CSMD1: variants seen among roughly 807,000 people sequenced by gnomAD.
CSMD1 encodes CUB and Sushi multiple domains 1, also known as CUB and sushi domain-containing protein 1.
Under a neutral mutation model 417.5 loss-of-function variants are expected in CSMD1, and 213 were observed. The observed-to-expected ratio is 0.51, with a 90% CI of 0.46 to 0.57. The LOEUF is 0.57. CSMD1 is among the 20% of genes least tolerant of loss of function. The pLI is 0.00. For synonymous variants in CSMD1, 2,862 were observed against 1,736.8 expected (o/e 1.65, Z -16.11); for missense variants, 6,923 against 4,529.7 (o/e 1.53, Z -15.17).
chr8:4,264,712 C>G (rs536247636), intron 3 of CSMD1, among the ~76,000 whole-genome samples: 2 of 152,158 alleles, frequency 1.3e-5, no homozygotes, highest in Non-Finnish European at 2.9e-5. Context: ...AAAACAAACA[C>G]TGATTAACTG....
chr8:4,918,476 G>A (rs1214293850), intron 1 of CSMD1, among the ~76,000 whole-genome samples: 1 of 151,750 alleles, frequency 6.6e-6, no homozygotes, highest in Non-Finnish European at 1.5e-5. Flanking sequence ...CTAACTTTCT[G>A]CACAATGTGT....
At chr8:3,785,867 G>T (rs1010855554) in intron 5 of CSMD1, among the ~76,000 whole-genome samples, 5 of 152,210 alleles carry the variant, frequency 3.3e-5, no homozygotes, top group Non-Finnish European at 7.3e-5. Context: ...CAATTAAAGA[G>T]GGATATGTCA....
intron 25 of CSMD1, among the ~76,000 whole-genome samples, chr8:3,302,692 G>C (rs1804511709): frequency 1.3e-5 from 2 of 152,286 alleles, no homozygotes; most frequent in East Asian, 1.9e-4. Flanking sequence ...GAGGAGATGT[G>C]ATCTGTCACC....
chr8:3,119,704 C>T (rs1225939955), intron 41 of CSMD1, among the ~76,000 whole-genome samples: 1 of 152,194 alleles, frequency 6.6e-6, no homozygotes, highest in African/African-American at 2.4e-5. Context: ...TCTCTAGCAT[C>T]TTTGAATATT....
chr8:4,124,033 C>G (rs955240495), intron 3 of CSMD1, among the ~76,000 whole-genome samples: 2 of 151,158 alleles, frequency 1.3e-5, no homozygotes, highest in African/African-American at 4.9e-5. Flanking sequence ...TTTTTTTCTA[C>G]ATTGCATTCC....
At chr8:3,667,609 C>A (rs866283465) in intron 7 of CSMD1, among the ~76,000 whole-genome samples, 1 of 152,094 alleles carries the variant, frequency 6.6e-6, no homozygotes, top group Non-Finnish European at 1.5e-5. Context: ...TTGTGAGTGA[C>A]AGAGGAGTCC....
intron 25 of CSMD1, among the ~76,000 whole-genome samples, chr8:3,294,067 C>G (rs866453928): frequency 4.6e-5 from 7 of 152,212 alleles, no homozygotes; most frequent in South Asian, 2.1e-4. Flanking sequence ...AGCTGCACAT[C>G]TGTTGGAGTT....
chr8:3,549,393 G>T (rs146607474), intron 10 of CSMD1, among the ~76,000 whole-genome samples: 48 of 152,250 alleles, frequency 3.2e-4, no homozygotes, highest in African/African-American at 1.2e-3. Flanking sequence ...ATTCTACTCT[G>T]GCCTGATGAT....
rs141422024 is a variant in CSMD1, at chr8:3,858,574, G to A, written c.819-104532C>T. Among the ~76,000 whole-genome samples the A allele has an allele frequency of 2.0e-3, 310 of 152,200 alleles. 1 individual carries two copies. The highest frequency in any genetic ancestry group is 2.1e-3 in the Non-Finnish European group (142 of 67,992). On this transcript the variant is annotated intron_variant, in intron 5 of 69. Transcript: ENST00000635120. ...AACTGCATAAATGGACTACTTTCAC[G>A]AGTAGTCTTAAATTAATAATTTTCA...
chr8:3,164,824 G>A (rs527821194), intron 37 of CSMD1, among the ~76,000 whole-genome samples: 3 of 151,954 alleles, frequency 2.0e-5, no homozygotes, highest in Non-Finnish European at 4.4e-5. Flanking sequence ...TCATATTAAA[G>A]GCCAGTTACT....
intron 18 of CSMD1, chr8:3,373,323 C>T (rs1810092878): frequency 6.6e-6 from 1 of 152,188 alleles, no homozygotes; most frequent in Admixed American, 6.5e-5. Flanking sequence ...AAATCACTGA[C>T]CAGCCCCGTC....
At chr8:3,637,439 T>A (rs970052417) in intron 7 of CSMD1, among the ~76,000 whole-genome samples, 2 of 152,196 alleles carry the variant, frequency 1.3e-5, no homozygotes, top group Non-Finnish European at 2.9e-5. Flanking sequence ...GAATCTATTT[T>A]CTAACATTTG....
chr8:4,750,204 T>G (rs1234426025), intron 1 of CSMD1, among the ~76,000 whole-genome samples: 1 of 151,904 alleles, frequency 6.6e-6, no homozygotes, highest in Non-Finnish European at 1.5e-5. Flanking sequence ...AGACAGGGTT[T>G]CACCGTGTTA....
chr8:4,919,329 T>A (rs1039687224), intron 1 of CSMD1, among the ~76,000 whole-genome samples: 1 of 152,196 alleles, frequency 6.6e-6, no homozygotes, highest in Non-Finnish European at 1.5e-5. Flanking sequence ...GTTAAATTCT[T>A]CCTTACTATG....
chr8:4,346,398 G>C (rs539291453), intron 3 of CSMD1, among the ~76,000 whole-genome samples: 2 of 152,084 alleles, frequency 1.3e-5, no homozygotes, highest in Non-Finnish European at 2.9e-5. Context: ...CAGCCGAGTT[G>C]AACAGTTACA....
chr8:4,764,874 A>G (rs1812342574), intron 1 of CSMD1, among the ~76,000 whole-genome samples: 2 of 21,236 alleles, frequency 9.4e-5, no homozygotes, highest in African/African-American at 3.7e-4. Flanking sequence ...CTCCATCTCA[A>G]AAAAAAAAAA....
chr8:3,324,783 GT>G (rs1483438966), intron 23 of CSMD1, among the ~76,000 whole-genome samples: 7 of 152,294 alleles, frequency 4.6e-5, no homozygotes, highest in African/African-American at 1.7e-4. Context: ...ATATCTGACG[GT>G]GAGTGTTCAA....
chr8:4,071,511 C>T (rs550774625), intron 3 of CSMD1, among the ~76,000 whole-genome samples: 4 of 151,974 alleles, frequency 2.6e-5, no homozygotes, highest in Admixed American at 6.6e-5. Context: ...GCTTCCTTTA[C>T]TTATTTAAGC....
intron 5 of CSMD1, among the ~76,000 whole-genome samples, chr8:3,872,246 G>A (rs755622336): frequency 1.3e-5 from 2 of 152,086 alleles, no homozygotes; most frequent in Admixed American, 6.6e-5. Context: ...TTGTTTTTAG[G>A]GAAAAGGGTT....
Sources: allele counts gnomAD v4.1 joint callset (sites outside exome capture counted in the v4.1 genomes callset), GRCh38; gene constraint gnomAD v4.1.1; transcripts MANE v1.5; gene names NCBI Gene and HGNC (gene_info 2026-07-23, HGNC 2026-07-21).